Variants in BMPR2 observed in about 807,000 individuals in gnomAD.
BMPR2 encodes the protein bone morphogenetic protein receptor type-2.
BMPR2 carries 29 observed loss-of-function variants against 100.8 expected under a neutral mutation model. The observed-to-expected ratio is 0.29, with a 90% CI of 0.21 to 0.39. The LOEUF is 0.39. BMPR2 is among the 10% of genes least tolerant of loss of function. The pLI, the probability that BMPR2 is intolerant of heterozygous loss-of-function variation, is 1.00. For synonymous variants in BMPR2, 382 were observed against 442.3 expected, an observed-to-expected ratio of 0.86 and a Z score of 1.71; for missense variants, 1,011 against 1,274.5, an observed-to-expected ratio of 0.79 and a Z score of 3.15.
At chr2:202,504,432 C>G (rs1687477651) in intron 3 of BMPR2, among the ~76,000 whole-genome samples, 1 of 151,990 alleles carries the variant, frequency 6.6e-6, no homozygotes, top group Non-Finnish European at 1.5e-5. Flanking sequence ...CCGCGAAGGT[C>G]TGCAGCTTCA....
chr2:202,479,324 A>G (rs77605207), intron 3 of BMPR2, among the ~76,000 whole-genome samples: 3 of 152,192 alleles, frequency 2.0e-5, no homozygotes, highest in Non-Finnish European at 2.9e-5. Context: ...AGCGATAGAT[A>G]CTGTCTTAGT....
chr2:202,380,627 TC>T (rs1690262754), intron 1 of BMPR2, among the ~76,000 whole-genome samples: 1 of 146,900 alleles, frequency 6.8e-6, no homozygotes, highest in South Asian at 2.1e-4. Flanking sequence ...TGGATTTCTT[TC>T]TTTTTTTTTT....
intron 1 of BMPR2, among the ~76,000 whole-genome samples, chr2:202,406,319 G>A (rs1367447210): frequency 6.6e-6 from 1 of 152,188 alleles, no homozygotes; most frequent in Non-Finnish European, 1.5e-5. Flanking sequence ...CCCCTCCAGT[G>A]AGAATTAATA....
intron 7 of BMPR2, among the ~76,000 whole-genome samples, chr2:202,522,236 G>A (rs1687830177): frequency 2.6e-5 from 4 of 152,024 alleles, no homozygotes; most frequent in East Asian, 1.9e-4. Flanking sequence ...GGCCGGGCAC[G>A]GTGGCTCACG....
At chr2:202,472,564 C>T (rs1047454503) in intron 3 of BMPR2, among the ~76,000 whole-genome samples, 1 of 152,156 alleles carries the variant, frequency 6.6e-6, no homozygotes, top group Non-Finnish European at 1.5e-5. Flanking sequence ...GAGGCTGAGG[C>T]AGAAGAATCA....
chr2:202,382,250 G>A (rs1690317432), intron 1 of BMPR2, among the ~76,000 whole-genome samples: 1 of 151,958 alleles, frequency 6.6e-6, no homozygotes, highest in Admixed American at 6.6e-5. Context: ...AGTAGAGATG[G>A]GGTTTCACTA....
At chr2:202,558,892 CAAA>C (rs538329842) in intron 12 of BMPR2, among the ~76,000 whole-genome samples, 5 of 81,462 alleles carry the variant, frequency 6.1e-5, no homozygotes, top group Admixed American at 2.7e-4. Flanking sequence ...AACTCCATCT[CAAA>C]AAAAAAAAAA....
intron 1 of BMPR2, among the ~76,000 whole-genome samples, chr2:202,421,487 T>C (rs1010065043): frequency 2.7e-5 from 4 of 150,544 alleles, no homozygotes; most frequent in African/African-American, 7.3e-5. Context: ...TAAAACAAGT[T>C]TTGCATTATA....
At chr2:202,428,790 T>C (rs1691444019) in intron 1 of BMPR2, among the ~76,000 whole-genome samples, 1 of 152,232 alleles carries the variant, frequency 6.6e-6, no homozygotes, top group South Asian at 2.1e-4. Context: ...CTGTTCTTAA[T>C]ATTCTCAAAT....
chr2:202,483,900 T>C (rs1692713989), intron 3 of BMPR2, among the ~76,000 whole-genome samples: 1 of 152,160 alleles, frequency 6.6e-6, no homozygotes, highest in African/African-American at 2.4e-5. Context: ...GAGACCAGCC[T>C]GGGTAATATA....
At chr2:202,416,585 C>G (rs1423560943) in intron 1 of BMPR2, among the ~76,000 whole-genome samples, 2 of 151,712 alleles carry the variant, frequency 1.3e-5, no homozygotes, top group Non-Finnish European at 2.9e-5. Context: ...GCCACCACGC[C>G]CAGCTAATTT....
In BMPR2 at chr2:202,456,660, G is replaced by A. The variant is rs61457176; in HGVS notation, c.77-8149G>A. ...CTCCCAAGTAGCTGGGACTATAGGC[G>A]TGTGCCACCACACCCGGCTAATTTT... On this transcript the variant is annotated intron_variant, in intron 1 of 12. Transcript: ENST00000374580. 2.4e-3 allele frequency among the ~76,000 whole-genome samples: 368 copies of A among 151,644 alleles called. 5 individuals are homozygous for A. The highest frequency in any genetic ancestry group is 7.1e-3 in the African/African-American group (295 of 41,308).
intron 1 of BMPR2, among the ~76,000 whole-genome samples, chr2:202,427,547 C>T (rs2105928666): frequency 6.6e-6 from 1 of 151,076 alleles, no homozygotes; most frequent in South Asian, 2.1e-4. Flanking sequence ...TTCCTCTGAA[C>T]CTTAAAACTT....
intron 10 of BMPR2, among the ~76,000 whole-genome samples, chr2:202,544,141 C>CAA (rs541812792): frequency 1.4e-5 from 2 of 147,594 alleles, no homozygotes; most frequent in African/African-American, 5.0e-5. Flanking sequence ...GACCCCATCT[C>CAA]AAAAAAAAAC....
rs992975980 is a variant in BMPR2 at position 202,503,520 on chromosome 2, A to C, written c.419-10199A>C. ...TGAGGGGCTTAGCACCCAGGCCAGC[A>C]GCTGCGGAGGGTGTACTGGGTCCCC... On this transcript the variant is annotated intron_variant, in intron 3 of 12. Coordinates refer to ENST00000374580, the MANE Select transcript of BMPR2 (RefSeq NM_001204.7). This position sits in a 1 kb window ranked among gnomAD's most constrained non-coding sequence, Gnocchi z 4.0. 6.6e-6 allele frequency among the ~76,000 whole-genome samples: 1 copy of C among 152,238 alleles called. No homozygotes were observed. Among genetic ancestry groups the C allele is most frequent in the South Asian group, 2.1e-4 (1 of 4,834 alleles).
chr2:202,546,052 A>T lies in BMPR2; in HGVS notation c.1413+3605A>T, dbSNP rs568549857. Among the ~76,000 whole-genome samples the T allele has an allele frequency of 1.7e-4, 26 of 152,332 alleles. 1 individual carries two copies. The highest frequency in any genetic ancestry group is 7.3e-5 in the Non-Finnish European group (5 of 68,038). ...CTCGGCAACCCTATTATTATGAGAT[A>T]TGCATCATATGCATATTTACCTGAA... On this transcript the variant is annotated intron_variant, in intron 10 of 12. Transcript: ENST00000374580.
chr2:202,565,178 A>T lies in BMPR2; in HGVS notation c.*5232A>T, dbSNP rs561571109. The T allele has an allele frequency of 2.6e-5, 4 of 152,150 alleles. No homozygotes were observed. Among genetic ancestry groups the T allele is most frequent in the African/African-American group, 4.8e-5 (2 of 41,506 alleles). 9.4% of individuals were successfully genotyped at this position (152,150 alleles called of 1,614,324 possible). A position where few individuals can be genotyped will look rare whatever the true frequency, so the allele number is the denominator to read the frequency against. The stretch of plus-strand genomic sequence containing the variant: ...CTGTCTCCCTCCTCTTTGATTTTAA[A>T]TTTTTTTCTTTTACCCAGTAGGACA... On this transcript the variant is annotated 3_prime_UTR_variant, in exon 13 of 13. Transcript: ENST00000374580.
Position 202,464,829 on chromosome 2 carries a change from C to A in BMPR2, c.97C>A (p.Leu33Ile). ...TAAASQNQER[L>I]CAFKDPYQQD... Reference sequence around the variant, plus strand: ...TTTAGCTTCGCAGAATCAAGAACGGCTATGTGCGTTTAAAGATCCGTATCA... The same window carrying A: ...TTTAGCTTCGCAGAATCAAGAACGGATATGTGCGTTTAAAGATCCGTATCA... The change falls in exon 2 of 13, where the codon CTA (leucine) becomes ATA (isoleucine). Residue 33 changes from leucine (L) to isoleucine (I), a missense_variant. Coordinates refer to ENST00000374580, the MANE Select transcript of BMPR2 (RefSeq NM_001204.7). 6.2e-7 allele frequency: 1 copy of A among 1,613,520 alleles called. No homozygotes were observed. The highest frequency in any genetic ancestry group is 8.5e-7 in the Non-Finnish European group (1 of 1,179,774).
Position 202,441,540 on chromosome 2 carries a change from TA to T in BMPR2, c.77-23257del, listed in dbSNP as rs1217647720. Among the ~76,000 whole-genome samples, 380 of 127,872 alleles carry T rather than the reference TA, an allele frequency of 3.0e-3. 7 individuals are homozygous for T. The East Asian group carries it at 0.07, about 24-fold the overall frequency. 83.9% of individuals were successfully genotyped at this position (127,872 alleles called of 152,430 possible). ...TAACACGGTGAAACCCCGTCTCTAC[TA>T]AAAAAAAAAAACAACAAAAAACAAA... On this transcript the variant is annotated intron_variant, in intron 1 of 12. Coordinates refer to ENST00000374580, the MANE Select transcript of BMPR2 (RefSeq NM_001204.7).
Sources: gnomAD v4.1 joint callset for allele counts (sites outside exome capture counted in the v4.1 genomes callset) on GRCh38, gnomAD v4.1.1 for gene constraint, Gnocchi (gnomAD v3.1) non-coding constraint, MANE v1.5 for transcripts, NCBI Gene and HGNC (gene_info 2026-07-23, HGNC 2026-07-21) for gene names.